Variants in CDH13 observed in about 807,000 individuals in gnomAD.
The protein encoded by CDH13 is cadherin 13.
Under a neutral mutation model 63.8 loss-of-function variants are expected in CDH13, and 24 were observed. The ratio of observed to expected loss-of-function variants is 0.38; its 90% CI spans 0.27 to 0.53. The LOEUF (loss-of-function observed/expected upper bound fraction) is 0.53. Among genes scored for constraint, CDH13 ranks in the 20% least tolerant of loss-of-function variants. CDH13 has a pLI of 0.85. For synonymous variants in CDH13, 503 were observed against 355.3 expected, an observed-to-expected ratio of 1.42 and a Z score of -4.67; for missense variants, 1,049 against 903.1, an observed-to-expected ratio of 1.16 and a Z score of -2.07.
chr16:82,718,096 G>T (rs1333248551), intron 1 of CDH13, among the ~76,000 whole-genome samples: 1 of 152,226 alleles, frequency 6.6e-6, no homozygotes, highest in Non-Finnish European at 1.5e-5. Context: ...CGGTAAGGCA[G>T]TGGGGGAAGT....
At position 83,412,369 on chromosome 16, in the gene CDH13, G is replaced by A. The variant is rs369525055; in HGVS notation, c.781+67363G>A. Among the ~76,000 whole-genome samples, 6 of 152,298 alleles carry A rather than the reference G, an allele frequency of 3.9e-5. No homozygotes were observed. In the South Asian group the frequency reaches 1.0e-3, roughly 26 times the overall value. On this transcript the variant is annotated intron_variant, in intron 6 of 13. Transcript: ENST00000567109. ...CTCAGCTACTTGGGATGCTGAGGCA[G>A]GAGAATCGCTTGAACCTAGGAGGCA...
At chr16:83,790,013 C>T (rs1266432021) in intron 13 of CDH13, 1 of 152,040 alleles carries the variant, frequency 6.6e-6, no homozygotes, top group African/African-American at 2.4e-5. Context: ...AATCACGTCA[C>T]ATTCATGGCA....
chr16:83,301,135 C>G (rs1161544348), intron 5 of CDH13, among the ~76,000 whole-genome samples: 9 of 145,836 alleles, frequency 6.2e-5, no homozygotes, highest in African/African-American at 2.0e-4. Context: ...GGGTTCGAGC[C>G]ATTCTCCTGC....
chr16:83,167,074 C>G (rs2037709226), intron 4 of CDH13, among the ~76,000 whole-genome samples: 1 of 152,020 alleles, frequency 6.6e-6, no homozygotes, highest in Non-Finnish European at 1.5e-5. Flanking sequence ...GCAGATTTCT[C>G]CTGGTGTTTT....
intron 3 of CDH13, among the ~76,000 whole-genome samples, chr16:83,065,175 G>A (rs1487414065): frequency 2.0e-5 from 3 of 152,182 alleles, no homozygotes; most frequent in Non-Finnish European, 4.4e-5. Flanking sequence ...ATACTGGACA[G>A]CACAGCTTTA....
At chr16:83,415,390 G>A (rs1459743659) in intron 6 of CDH13, among the ~76,000 whole-genome samples, 2 of 152,094 alleles carry the variant, frequency 1.3e-5, no homozygotes, top group East Asian at 3.9e-4. Context: ...AGCTGGAGAG[G>A]GAGTGACACT....
At chr16:83,648,980 A>G (rs547700286) in intron 8 of CDH13, among the ~76,000 whole-genome samples, 35 of 152,276 alleles carry the variant, frequency 2.3e-4, no homozygotes, top group East Asian at 1.4e-3. Flanking sequence ...CTATCTGGCA[A>G]TTCCCACTGG....
At chr16:83,092,136 A>G (rs1296171504) in intron 3 of CDH13, among the ~76,000 whole-genome samples, 1 of 152,240 alleles carries the variant, frequency 6.6e-6, no homozygotes, top group East Asian at 1.9e-4. Flanking sequence ...ATGGACTGTC[A>G]AAATTGACAT....
At chr16:83,098,266 C>T (rs1289988456) in intron 3 of CDH13, among the ~76,000 whole-genome samples, 1 of 152,162 alleles carries the variant, frequency 6.6e-6, no homozygotes, top group South Asian at 2.1e-4. Flanking sequence ...AAGAACCTTA[C>T]AGTAAAACAC....
chr16:83,631,176 C>G (rs1328323232), intron 8 of CDH13, among the ~76,000 whole-genome samples: 2 of 152,192 alleles, frequency 1.3e-5, no homozygotes, highest in Non-Finnish European at 2.9e-5. Context: ...GTAAAGGCTG[C>G]AGAATGAAGC....
At chr16:83,537,113 A>C (rs2075206485) in intron 7 of CDH13, among the ~76,000 whole-genome samples, 1 of 152,244 alleles carries the variant, frequency 6.6e-6, no homozygotes, top group Non-Finnish European at 1.5e-5. Flanking sequence ...GACTTAATTG[A>C]AATCAAATTG....
At chr16:83,596,561 G>C (rs1907277821) in intron 7 of CDH13, among the ~76,000 whole-genome samples, 1 of 152,172 alleles carries the variant, frequency 6.6e-6, no homozygotes, top group African/African-American at 2.4e-5. Flanking sequence ...TCTTCCAGCA[G>C]AGTAACAAAT....
rs76306276 is a variant in CDH13, at chr16:83,678,979, A to G, written c.1538+518A>G. Among the ~76,000 whole-genome samples, 512 of 152,300 alleles carry G rather than the reference A, an allele frequency of 3.4e-3. 7 individuals are homozygous for G. The highest frequency in any genetic ancestry group is 0.012 in the African/African-American group (493 of 41,562). On this transcript the variant is annotated intron_variant, in intron 10 of 13. Coordinates refer to ENST00000567109, the MANE Select transcript of CDH13 (RefSeq NM_001257.5). ...ACTCTGCAAAGTTCATGCTCCTTCTAGCTGCTCAATGCTCACTGACTCTGA... is the reference window on the plus strand; with the variant it reads ...ACTCTGCAAAGTTCATGCTCCTTCTGGCTGCTCAATGCTCACTGACTCTGA...
At chr16:83,775,278 C>G (rs188393513) in intron 11 of CDH13, among the ~76,000 whole-genome samples, 5 of 151,912 alleles carry the variant, frequency 3.3e-5, no homozygotes, top group African/African-American at 9.6e-5. Flanking sequence ...TGTCTGTGGA[C>G]TCTTCAGGTA....
chr16:83,419,038 C>A (rs2071635966), intron 6 of CDH13, among the ~76,000 whole-genome samples: 3 of 152,108 alleles, frequency 2.0e-5, no homozygotes, highest in Non-Finnish European at 4.4e-5. Context: ...TCTCAAACAG[C>A]CAAGCAGCAC....
chr16:82,723,020 G>C (rs966673779), intron 1 of CDH13: 2 of 152,144 alleles, frequency 1.3e-5, no homozygotes, highest in Non-Finnish European at 2.9e-5. Flanking sequence ...CCCTAATACA[G>C]GGCCAAGATG....
At chr16:83,153,325 G>A (rs561971592) in intron 4 of CDH13, among the ~76,000 whole-genome samples, 1 of 152,194 alleles carries the variant, frequency 6.6e-6, no homozygotes, top group South Asian at 2.1e-4. Context: ...CTCTATCTGG[G>A]TGGTGCCAGT....
At chr16:83,150,863 A>G (rs962393794) in intron 4 of CDH13, among the ~76,000 whole-genome samples, 4 of 152,016 alleles carry the variant, frequency 2.6e-5, no homozygotes, top group Non-Finnish European at 5.9e-5. Context: ...CCCCTTAACC[A>G]TTTCCATTAT....
intron 9 of CDH13, among the ~76,000 whole-genome samples, chr16:83,675,767 T>A (rs770618932): frequency 6.6e-6 from 1 of 152,110 alleles, no homozygotes; most frequent in Non-Finnish European, 1.5e-5. Flanking sequence ...CATCTTTCTA[T>A]CTAATAAAAA....
Sources: allele counts gnomAD v4.1 joint callset (sites outside exome capture counted in the v4.1 genomes callset), GRCh38; gene constraint gnomAD v4.1.1; transcripts MANE v1.5; gene names NCBI Gene and HGNC (gene_info 2026-07-23, HGNC 2026-07-21).